TDRP: variants seen among roughly 807,000 people sequenced by gnomAD.
The protein encoded by TDRP is testis development related protein, also known as testis development-related protein.
TDRP carries 12 observed loss-of-function variants against 10.5 expected under a neutral mutation model. The observed-to-expected ratio is 1.15, with a 90% confidence interval of 0.73 to 1.86. TDRP has a LOEUF of 1.86. TDRP is among the 40% of genes most tolerant of loss of function. The pLI is 0.00. For synonymous variants in TDRP, 139 were observed against 95.4 expected (o/e 1.46, Z -2.67); for missense variants, 353 against 229.2 (o/e 1.54, Z -3.49).
Position 491,816 on chromosome 8 carries a change from T to G in TDRP, c.*583A>C. The G allele has an allele frequency of 8.0e-7, 1 of 1,248,072 alleles. No homozygotes were observed. The highest frequency in any genetic ancestry group is 1.5e-5 in the African/African-American group (1 of 64,972). 77.3% of individuals were successfully genotyped at this position (1,248,072 alleles called of 1,614,324 possible). ...AAGCTATTCCTCCCTCAGCAAAAGA[T>G]GAACATGCATTTTAAGATACATTTT... On this transcript the variant is annotated 3_prime_UTR_variant, in exon 3 of 3. Coordinates refer to ENST00000324079, the MANE Select transcript of TDRP (RefSeq NM_001384899.1).
chr8:503,475 G>C (rs1417221241), intron 1 of TDRP, among the ~76,000 whole-genome samples: 1 of 150,202 alleles, frequency 6.7e-6, no homozygotes, highest in Non-Finnish European at 1.5e-5. Flanking sequence ...GGAATCTAGA[G>C]CCATGCATCG....
intron 1 of TDRP, among the ~76,000 whole-genome samples, chr8:518,120 C>T (rs1379641457): frequency 2.6e-5 from 4 of 152,146 alleles, no homozygotes; most frequent in African/African-American, 9.7e-5. Flanking sequence ...TGGACTTTGG[C>T]TAACAATGAT....
intron 1 of TDRP, among the ~76,000 whole-genome samples, chr8:538,200 A>C (rs1802395433): frequency 6.6e-6 from 1 of 152,208 alleles, no homozygotes; most frequent in Non-Finnish European, 1.5e-5. Flanking sequence ...GGAAGTGACC[A>C]AGAGAAGACT....
intron 1 of TDRP, among the ~76,000 whole-genome samples, chr8:523,584 G>C (rs145035952): frequency 6.6e-6 from 1 of 152,200 alleles, no homozygotes; most frequent in African/African-American, 2.4e-5. Context: ...TGAAGGATAT[G>C]TCCTAGGCCT....
chr8:501,002 C>G (rs370678243), intron 1 of TDRP, among the ~76,000 whole-genome samples: 13 of 152,192 alleles, frequency 8.5e-5, no homozygotes, highest in South Asian at 2.1e-4. Context: ...GTCAGGAGAT[C>G]GAGACCATCC....
intron 1 of TDRP, among the ~76,000 whole-genome samples, chr8:502,456 G>T (rs1801332422): frequency 1.3e-5 from 2 of 152,230 alleles, no homozygotes; most frequent in African/African-American, 4.8e-5. Flanking sequence ...AGCGAGACCA[G>T]GCTCCCACCA....
In TDRP at chr8:504,760, T is replaced by C. The variant is rs535655255; in HGVS notation, c.109-10163A>G. On this transcript the variant is annotated intron_variant, in intron 1 of 2. Coordinates refer to ENST00000324079, the MANE Select transcript of TDRP (RefSeq NM_001384899.1). ...CTGAAGATCTTGATGCCAGTTAAGT[T>C]TGAACACACCAGAAACTGGCATTCA... Among the ~76,000 whole-genome samples the C allele has an allele frequency of 7.2e-5, 11 of 152,296 alleles. No homozygotes were observed. The East Asian group carries it at 1.5e-3, about 21-fold the overall frequency.
chr8:504,100 G>C (rs777556719), intron 1 of TDRP, among the ~76,000 whole-genome samples: 3 of 152,058 alleles, frequency 2.0e-5, no homozygotes, highest in African/African-American at 2.4e-5. Context: ...CCAGAGCCAC[G>C]TGTCGGAACC....
chr8:511,446 G>C (rs75757194), intron 1 of TDRP, among the ~76,000 whole-genome samples: 2,944 of 152,176 alleles, frequency 0.019, 86 homozygotes, highest in African/African-American at 0.067. Flanking sequence ...CATGTACATA[G>C]TAACAAGGCA....
Position 491,511 on chromosome 8 carries a change from A to T in TDRP, c.*888T>A, listed in dbSNP as rs1800972196. 8 of 1,167,106 alleles carry T rather than the reference A, an allele frequency of 6.9e-6. No individual in the cohort carries two copies. Among genetic ancestry groups the T allele is most frequent in the Non-Finnish European group, 9.3e-6 (8 of 858,084 alleles). The allele number at this position is 1,167,106 out of a possible 1,614,324, so 72.3% of individuals were successfully genotyped here. ...ACAGCTTCTTACAGATCTAACACCA[A>T]TCACAATAGGCATCTCGCTTTGCAA... On this transcript the variant is annotated 3_prime_UTR_variant, in exon 3 of 3. Transcript: ENST00000324079.
chr8:503,666 C>A (rs902392972), intron 1 of TDRP, among the ~76,000 whole-genome samples: 2 of 148,128 alleles, frequency 1.4e-5, no homozygotes, highest in East Asian at 2.1e-4. Context: ...CCCACCTCAA[C>A]ACACACCAAC....
chr8:501,495 G>GC (rs1330343005), intron 1 of TDRP, among the ~76,000 whole-genome samples: 1 of 151,614 alleles, frequency 6.6e-6, no homozygotes, highest in African/African-American at 2.4e-5. Flanking sequence ...TACAGGCGAT[G>GC]GCCACCACAC....
chr8:495,462 T>G (rs1801098543), intron 1 of TDRP, among the ~76,000 whole-genome samples: 1 of 152,196 alleles, frequency 6.6e-6, no homozygotes, highest in South Asian at 2.1e-4. Flanking sequence ...AATGATTTTG[T>G]ACAATTTTTT....
Position 492,743 on chromosome 8 carries a change from T to C in TDRP, c.214A>G (p.Thr72Ala), listed in dbSNP as rs769226461. 3.1e-6 allele frequency: 5 copies of C among 1,600,412 alleles called. No homozygotes were observed. The highest frequency in any genetic ancestry group is 1.7e-4 in the Middle Eastern group (1 of 5,984). The change falls in exon 3 of 3, where the codon ACT becomes GCT. Residue 72 changes from threonine to alanine, a missense_variant and splice_region_variant. By Grantham distance (58) the Thr-to-Ala change is moderately conservative. Transcript: ENST00000324079. Reference sequence around the variant, plus strand: ...AACTCTTCTTTTAATCGTAAGTTAGTTCTATAGGAGATGAAAGAGTTAGGT... The same window carrying C: ...AACTCTTCTTTTAATCGTAAGTTAGCTCTATAGGAGATGAAAGAGTTAGGT... Reference protein sequence around the residue: ...ERCKSPKSKGTNLRLKEELKA... With the variant: ...ERCKSPKSKGANLRLKEELKA...
At chr8:544,884 C>G (rs1234170068), upstream of TDRP, 5 of 603,024 alleles carry the variant, frequency 8.3e-6, 1 homozygote, top group Admixed American at 1.4e-4. Context: ...CGGGGCTAGG[C>G]GGGGGCGGGG....
Position 490,892 on chromosome 8 carries a change from T to C in TDRP, c.*1507A>G, listed in dbSNP as rs543755856. 2 of 150,310 alleles carry C rather than the reference T, an allele frequency of 1.3e-5. No homozygotes were observed. Among genetic ancestry groups the C allele is most frequent in the South Asian group, 2.1e-4 (1 of 4,732 alleles). 9.3% of individuals were successfully genotyped at this position (150,310 alleles called of 1,614,324 possible). On this transcript the variant is annotated 3_prime_UTR_variant, in exon 3 of 3. Coordinates refer to ENST00000324079, the MANE Select transcript of TDRP (RefSeq NM_001384899.1). The stretch of plus-strand genomic sequence containing the variant: ...CTTCTTGTTCTATTAAAAAAAAAAG[T>C]AGATGATTGACAGAAGGCTAGATGG...
rs143773279 is a variant in TDRP, at chr8:519,301, G to A, written c.109-24704C>T. On this transcript the variant is annotated intron_variant, in intron 1 of 2. Coordinates refer to ENST00000324079, the MANE Select transcript of TDRP (RefSeq NM_001384899.1). ...CTCTCTTCTGTTGAGCTGTTCCTCCGCTGTATCCTTTCAAGTGACCAGCAA... is the reference window on the plus strand; with the variant it reads ...CTCTCTTCTGTTGAGCTGTTCCTCCACTGTATCCTTTCAAGTGACCAGCAA... Among the ~76,000 whole-genome samples, 15 of 152,128 alleles carry A rather than the reference G, an allele frequency of 9.9e-5. No individual in the cohort carries two copies. The East Asian group carries it at 1.7e-3, about 18-fold the overall frequency.
chr8:517,315 G>A (rs572164486), intron 1 of TDRP, among the ~76,000 whole-genome samples: 6 of 152,144 alleles, frequency 3.9e-5, no homozygotes, highest in Admixed American at 6.5e-5. Context: ...GTCTCTTGTG[G>A]GGAGAATTTA....
chr8:527,271 C>T (rs1194470088), intron 1 of TDRP, among the ~76,000 whole-genome samples: 1 of 151,948 alleles, frequency 6.6e-6, no homozygotes, highest in African/African-American at 2.4e-5. Flanking sequence ...TTGAAAAGGA[C>T]ACAAAAATGA....
Sources: gnomAD v4.1 joint callset for allele counts (sites outside exome capture counted in the v4.1 genomes callset) on GRCh38, gnomAD v4.1.1 for gene constraint, MANE v1.5 for transcripts, NCBI Gene and HGNC (gene_info 2026-07-23, HGNC 2026-07-21) for gene names.